The following ASNS variants were observed in gnomAD, a reference collection of about 807,000 sequenced individuals.
ASNS encodes asparagine synthetase (glutamine-hydrolyzing).
A neutral mutation model predicts 62.6 loss-of-function variants in ASNS; 37 were observed. The observed-to-expected ratio is 0.59, with a 90% CI of 0.45 to 0.78. ASNS has a LOEUF of 0.78. ASNS is among the 30% of genes least tolerant of loss of function. ASNS has a pLI of 0.00. For missense variants in ASNS, 520 were observed against 682.4 expected (o/e 0.76, Z 2.65); for synonymous variants, 207 against 237.9 (o/e 0.87, Z 1.19).
the ASNS span, among the ~76,000 whole-genome samples, chr7:97,878,347 T>C: frequency 6.6e-6 from 1 of 152,172 alleles, no homozygotes; most frequent in South Asian, 2.1e-4. Context: ...GAGAGGGTCG[T>C]GATCATGAGA....
chr7:97,913,833 T>G, the ASNS span, among the ~76,000 whole-genome samples: 3 of 149,276 alleles, frequency 2.0e-5, no homozygotes, highest in African/African-American at 7.4e-5. Flanking sequence ...GGTGGGTGGA[T>G]AGATTGGTGG....
chr7:97,863,259 A>C (rs1278060545), intron 4 of ASNS: 3 of 152,252 alleles, frequency 2.0e-5, no homozygotes, highest in Non-Finnish European at 4.4e-5. Flanking sequence ...GAATAAACAA[A>C]ATGCAGTGTA....
chr7:97,921,530 G>A, the ASNS span, among the ~76,000 whole-genome samples: 1 of 152,160 alleles, frequency 6.6e-6, no homozygotes, highest in Non-Finnish European at 1.5e-5. Flanking sequence ...TCCAAGGACC[G>A]ATCCATCTTG....
chr7:97,921,183 C>T, the ASNS span, among the ~76,000 whole-genome samples: 1 of 152,208 alleles, frequency 6.6e-6, no homozygotes, highest in Admixed American at 6.5e-5. Context: ...CTGCTGCAAC[C>T]CTAGCCCAGA....
the ASNS span, among the ~76,000 whole-genome samples, chr7:97,900,082 T>C: frequency 1.3e-5 from 2 of 152,088 alleles, no homozygotes; most frequent in African/African-American, 4.8e-5. Context: ...AAAATTGGCC[T>C]GGTGCAGTGG....
At chr7:97,905,284 A>G in the ASNS span, among the ~76,000 whole-genome samples, 1 of 152,024 alleles carries the variant, frequency 6.6e-6, no homozygotes, top group Non-Finnish European at 1.5e-5. Flanking sequence ...TTCTTCTTGT[A>G]ATGTGCTCCT....
the ASNS span, among the ~76,000 whole-genome samples, chr7:97,923,877 T>C: frequency 1.2e-3 from 179 of 152,326 alleles, no homozygotes; most frequent in African/African-American, 4.2e-3. Context: ...AACACCGTCA[T>C]GTGAGTCACC....
At chr7:97,856,657 A>G in intron 8 of ASNS, 33 bp downstream of exon 8, 2 of 1,511,998 alleles carry the variant, frequency 1.3e-6, no homozygotes, top group South Asian at 2.7e-5. Context: ...TATTAAAAAA[A>G]GCTTTTTATT....
In ASNS at chr7:97,858,405, C is replaced by G; in HGVS notation, c.776G>C (p.Gly259Ala). The G allele has an allele frequency of 6.2e-7, 1 of 1,613,976 alleles. No homozygotes were observed. Among genetic ancestry groups the G allele is most frequent in the Non-Finnish European group, 8.5e-7 (1 of 1,179,942 alleles). Residue 259 changes from glycine to alanine, a missense_variant and splice_region_variant, in exon 7 of 13, where the codon GGG (glycine) becomes GCG (alanine). Coordinates refer to ENST00000394308, the MANE Select transcript of ASNS (RefSeq NM_001673.5). The stretch of plus-strand genomic sequence containing the variant: ...AGCAACCAAGCTGGAGTCCAAGCCC[C>G]CTACATGCAAAAGAGGAAGTGGAAG... ...TDRRIGCLLS[G>A]GLDSSLVAAT...
At chr7:97,896,415 C>T in the ASNS span, among the ~76,000 whole-genome samples, 11 of 149,262 alleles carry the variant, frequency 7.4e-5, no homozygotes, top group East Asian at 3.9e-4. Context: ...GGTGAAACCC[C>T]GTCTCTACTA....
chr7:97,886,477 C>T, the ASNS span, among the ~76,000 whole-genome samples: 1 of 152,090 alleles, frequency 6.6e-6, no homozygotes, highest in Non-Finnish European at 1.5e-5. Flanking sequence ...CTGCTCCCTT[C>T]ACCAGGAGAT....
intron 2 of ASNS, 36 bp from the exon 3 acceptor site, chr7:97,869,215 A>G (rs1051697776): frequency 1.0e-5 from 16 of 1,592,270 alleles, no homozygotes; most frequent in Non-Finnish European, 1.2e-5. Flanking sequence ...AAAAATATTC[A>G]ATATCCAATC....
rs146368919 is a variant in ASNS, at chr7:97,852,947, G to A, written c.1476+113C>T. On this transcript the variant is annotated intron_variant, in intron 12 of 12. Transcript: ENST00000394308. Reference sequence around the variant, plus strand: ...TATGTATCATTCAAACTAAATACATGTATCATTCAAACTAAATACATGTAT... The same window carrying A: ...TATGTATCATTCAAACTAAATACATATATCATTCAAACTAAATACATGTAT... 1.4e-4 allele frequency: 140 copies of A among 1,017,134 alleles called. No individual in the cohort carries two copies. In the East Asian group the frequency reaches 3.6e-3, roughly 26 times the overall value. The allele number at this position is 1,017,134 out of a possible 1,614,324, so 63.0% of individuals were successfully genotyped here.
the ASNS span, among the ~76,000 whole-genome samples, chr7:97,927,312 AC>A: frequency 6.6e-6 from 1 of 152,064 alleles, no homozygotes; most frequent in Non-Finnish European, 1.5e-5. Flanking sequence ...CCATTTATCC[AC>A]CATACACTAT....
At position 97,859,284 on chromosome 7, in the gene ASNS, A is replaced by G. The variant is rs1184444460; in HGVS notation, c.602T>C (p.Met201Thr). 6.2e-7 allele frequency: 1 copy of G among 1,614,074 alleles called. No homozygotes were observed. Among genetic ancestry groups the G allele is most frequent in the East Asian group, 2.2e-5 (1 of 44,880 alleles). Residue 201 changes from methionine to threonine, a missense_variant, in exon 5 of 13, where the codon ATG becomes ACG. Met to Thr is a moderately conservative substitution (Grantham distance 81). Transcript: ENST00000394308. ...ATCCCGACAGTGATGATATTTAACC[A>G]TTTCCACGGATGCAACTTTGCCATT... ...KPNGKVASVE[M>T]VKYHHCRDVP...
chr7:97,855,646 T>A lies in ASNS; in HGVS notation c.1031-187A>T, dbSNP rs571167794. On this transcript the variant is annotated intron_variant, in intron 8 of 12. Transcript: ENST00000394308. ...TTATATGTACTTAATCCAAAAGTAC[T>A]ACTGTAAAATAAAATAACCCGGAAC... Among the ~76,000 whole-genome samples the A allele has an allele frequency of 7.9e-5, 12 of 152,326 alleles. No individual in the cohort carries two copies. In the East Asian group the frequency reaches 2.1e-3, roughly 27 times the overall value.
At chr7:97,903,769 A>G in the ASNS span, among the ~76,000 whole-genome samples, 3 of 152,370 alleles carry the variant, frequency 2.0e-5, no homozygotes, top group East Asian at 5.8e-4. Context: ...GGAGAAAAAT[A>G]TAACTTAATT....
chr7:97,865,038 T>C lies in ASNS; in HGVS notation c.250-542A>G, dbSNP rs375087254. Among the ~76,000 whole-genome samples, 6 of 152,340 alleles carry C rather than the reference T, an allele frequency of 3.9e-5. No homozygotes were observed. The South Asian group carries it at 1.2e-3, about 32-fold the overall frequency. On this transcript the variant is annotated intron_variant, in intron 3 of 12. Transcript: ENST00000394308. ...TTTTGTGCATGAAACAAAGTTTGCA[T>C]ACATGGAACCATCAGAAAGCAAAGG...
At position 97,854,643 on chromosome 7, in the gene ASNS, C is replaced by T. The variant is rs199817844; in HGVS notation, c.1175G>A (p.Arg392Lys). Residue 392 changes from arginine to lysine, a missense_variant, in exon 10 of 13, where the codon AGG (arginine) becomes AAG (lysine). By Grantham distance (26) the Arg-to-Lys change is conservative. Coordinates refer to ENST00000394308, the MANE Select transcript of ASNS (RefSeq NM_001673.5). ...SPEKAEEESE[R>K]LLRELYLFDV... ...AAACAAATAGAGTTCCCTCAGAAGCCTCTCACTCTCCTCCTCGGCTTTTTC... is the reference window on the plus strand; with the variant it reads ...AAACAAATAGAGTTCCCTCAGAAGCTTCTCACTCTCCTCCTCGGCTTTTTC... 132 of 1,613,892 alleles carry T rather than the reference C, an allele frequency of 8.2e-5. No individual in the cohort carries two copies. The highest frequency in any genetic ancestry group is 1.1e-4 in the Non-Finnish European group (126 of 1,179,960).
Sources: allele counts gnomAD v4.1 joint callset (sites outside exome capture counted in the v4.1 genomes callset), GRCh38; gene constraint gnomAD v4.1.1; transcripts MANE v1.5; gene names NCBI Gene and HGNC (gene_info 2026-07-23, HGNC 2026-07-21).